Variants in MYH8 observed in about 807,000 individuals in gnomAD.
MYH8 encodes myosin-8.
A neutral mutation model predicts 233.2 loss-of-function variants in MYH8; 168 were observed. The observed-to-expected ratio is 0.72, with a 90% CI of 0.64 to 0.82. The LOEUF (loss-of-function observed/expected upper bound fraction) is 0.82. Ranked by LOEUF, MYH8 falls within the 40% of genes least tolerant of loss-of-function variation. The probability of loss-of-function intolerance (pLI) is 0.00; values close to 1 mark genes in which losing one functional copy is unlikely to be tolerated. For missense variants in MYH8, 1,995 were observed against 2,327.8 expected (o/e 0.86, Z 2.94); for synonymous variants, 785 against 850.6 (o/e 0.92, Z 1.34).
At position 10,419,122 on chromosome 17, in the gene MYH8, A is replaced by G; in HGVS notation, c.211-92T>C. 6.9e-7 allele frequency: 1 copy of G among 1,456,608 alleles called. No homozygotes were observed. The highest frequency in any genetic ancestry group is 9.5e-7 in the Non-Finnish European group (1 of 1,050,924). 90.2% of individuals were successfully genotyped at this position (1,456,608 alleles called of 1,614,324 possible). A position where few individuals can be genotyped will look rare whatever the true frequency, so the allele number is the denominator to read the frequency against. ...GCCCAGGCTGGAGTGCAGTGGCGCG[A>G]TCTCAGCTCACTGCAACCTCCGCCC... On this transcript the variant is annotated intron_variant, in intron 3 of 39. Transcript: ENST00000403437. The surrounding 1 kb of genome is among the most constrained non-coding windows in gnomAD (Gnocchi z 4.0).
Position 10,394,255 on chromosome 17 carries a change from G to A in MYH8, c.5160C>T (p.His1720=). The A allele has an allele frequency of 6.2e-7, 1 of 1,613,890 alleles. No homozygotes were observed. The highest frequency in any genetic ancestry group is 8.5e-7 in the Non-Finnish European group (1 of 1,179,892). ...TTTGATGTGAGGGTCTCACCTGGGT[G>A]TGGAGGAGCTGGACACGCTCACTGG... is the stretch of plus-strand genomic sequence containing the variant. ...LDASERVQLL[H]TQNTSLINTK... is the part of the protein sequence containing the mutation. The change falls in exon 35 of 40, where the codon CAC becomes CAT. Residue 1720 remains histidine (H), a synonymous_variant. Coordinates refer to ENST00000403437, the MANE Select transcript of MYH8 (RefSeq NM_002472.3).
At position 10,391,916 on chromosome 17, in the gene MYH8, T is replaced by C. The variant is rs1398494147; in HGVS notation, c.5630A>G (p.Lys1877Arg). Residue 1877 changes from lysine (K) to arginine (R), a missense_variant, in exon 39 of 40, where the codon AAG becomes AGG. Transcript: ENST00000403437. ...LQDLVDKLQA[K>R]VKSYKRQAEE... is the part of the protein sequence containing the mutation. Reference sequence around the variant, plus strand: ...AGCTTGTCTCTTGTATGATTTCACCTTCGCCTGTAATTTATCTACCAAGTC... The same window carrying C: ...AGCTTGTCTCTTGTATGATTTCACCCTCGCCTGTAATTTATCTACCAAGTC... The C allele has an allele frequency of 5.0e-6, 8 of 1,614,148 alleles. No homozygotes were observed. Among genetic ancestry groups the C allele is most frequent in the Non-Finnish European group, 6.8e-6 (8 of 1,179,986 alleles).
intron 12 of MYH8, among the ~76,000 whole-genome samples, chr17:10,413,192 G>A (rs1434002328): frequency 6.6e-6 from 1 of 152,148 alleles, no homozygotes; most frequent in Non-Finnish European, 1.5e-5. Flanking sequence ...TTTACTGCAT[G>A]ATCCCTACAG....
intron 4 of MYH8, 25 bp from the exon 5 acceptor site, chr17:10,418,826 T>C: frequency 6.2e-7 from 1 of 1,613,822 alleles, no homozygotes; most frequent in Non-Finnish European, 8.5e-7. Context: ...ACATTTATCA[T>C]TTGGATCTCG....
intron 14 of MYH8, 26 bp downstream of exon 14, chr17:10,412,344 T>C (rs2142186171): frequency 6.2e-7 from 1 of 1,614,054 alleles, no homozygotes; most frequent in East Asian, 2.2e-5. Context: ...ATTGCCTCCT[T>C]CTTAATTCTT....
At chr17:10,410,295 C>T (rs551189685) in intron 15 of MYH8, among the ~76,000 whole-genome samples, 2 of 152,004 alleles carry the variant, frequency 1.3e-5, no homozygotes, top group South Asian at 4.2e-4. Flanking sequence ...AGAGTGAGGC[C>T]CTGTCTCAAT....
intron 27 of MYH8, 71 bp from the exon 28 acceptor site, chr17:10,399,740 T>C (rs559453497): frequency 6.3e-7 from 1 of 1,592,466 alleles, no homozygotes; most frequent in African/African-American, 1.3e-5. Context: ...ATTCTTAAAA[T>C]ATTTGTAGAG....
Position 10,418,719 on chromosome 17 carries a change from C to T in MYH8, c.437G>A (p.Arg146Lys). The T allele has an allele frequency of 6.2e-7, 1 of 1,613,904 alleles. No homozygotes were observed. Among genetic ancestry groups the T allele is most frequent in the East Asian group, 2.2e-5 (1 of 44,886 alleles). ...CGGGGCCTCCTGGCGCTTTTTGCCTCTGTAGGCAGCCACCACCTCGGGCTT... is the reference window on the plus strand; with the variant it reads ...CGGGGCCTCCTGGCGCTTTTTGCCTTTGTAGGCAGCCACCACCTCGGGCTT... ...VYKPEVVAAY[R>K]GKKRQEAPPH... Residue 146 changes from arginine to lysine, a missense_variant, in exon 5 of 40, where the codon AGA becomes AAA. Transcript: ENST00000403437.
At chr17:10,397,179 C>T (rs190941926) in intron 30 of MYH8, among the ~76,000 whole-genome samples, 193 bp from the exon 31 acceptor site, 13 of 152,260 alleles carry the variant, frequency 8.5e-5, no homozygotes, top group African/African-American at 2.6e-4. Context: ...CGGGTTCAAG[C>T]GATTCTCCTG....
At chr17:10,397,896 T>C (rs537613973) in intron 30 of MYH8, among the ~76,000 whole-genome samples, 1 of 152,340 alleles carries the variant, frequency 6.6e-6, no homozygotes, top group African/African-American at 2.4e-5. Context: ...AGGTTTTTTT[T>C]CCCTCCTGAA....
At chr17:10,391,180 C>G (rs758825738) in intron 39 of MYH8, among the ~76,000 whole-genome samples, 5 of 152,216 alleles carry the variant, frequency 3.3e-5, no homozygotes, top group Non-Finnish European at 7.3e-5. Flanking sequence ...AGAGCCCCCA[C>G]TGATGACACT....
At position 10,391,924 on chromosome 17, in the gene MYH8, T is replaced by C. The variant is rs767936634; in HGVS notation, c.5622A>G (p.Leu1874=). ...VLRLQDLVDK[L]QAKVKSYKRQ... ...TCTTGTATGATTTCACCTTCGCCTG[T>C]AATTTATCTACCAAGTCCTGCAGCC... The change falls in exon 39 of 40, where the codon TTA becomes TTG. Residue 1874 remains leucine (L), a synonymous_variant. Transcript: ENST00000403437. 6.2e-7 allele frequency: 1 copy of C among 1,614,202 alleles called. No homozygotes were observed. The highest frequency in any genetic ancestry group is 1.1e-5 in the South Asian group (1 of 91,080).
At position 10,393,096 on chromosome 17, in the gene MYH8, C is replaced by T. The variant is rs563469677; in HGVS notation, c.5281G>A (p.Ala1761Thr). ...SRNAEEKAKK[A>T]ITDAAMMAEE... ...AATGTTCATCTTACATCAGTGATGG[C>T]CTTCTTGGCTTTCTCTTCTGCATTG... Residue 1761 changes from alanine to threonine, a missense_variant, in exon 36 of 40, where the codon GCC becomes ACC. Physicochemically the swap from Ala to Thr is moderately conservative, Grantham distance 58. Transcript: ENST00000403437. 7.4e-6 allele frequency: 12 copies of T among 1,614,196 alleles called. No homozygotes were observed. The Admixed American group carries it at 8.3e-5, about 11-fold the overall frequency.
In MYH8 at chr17:10,396,327, T is replaced by C; in HGVS notation, c.4653+3A>G. 3 of 1,613,924 alleles carry C rather than the reference T, an allele frequency of 1.9e-6. No individual in the cohort carries two copies. The highest frequency in any genetic ancestry group is 2.5e-6 in the Non-Finnish European group (3 of 1,179,952). Reference sequence around the variant, plus strand: ...CCATAACATAATACAAGGTAATATGTACCTCTGCTTCCTCTAAAGCAGCCT... The same window carrying C: ...CCATAACATAATACAAGGTAATATGCACCTCTGCTTCCTCTAAAGCAGCCT... On this transcript the variant is annotated splice_donor_region_variant and intron_variant, in intron 33 of 39. Transcript: ENST00000403437. The surrounding 1 kb of genome is among the most constrained non-coding windows in gnomAD (Gnocchi z 4.2).
At position 10,401,360 on chromosome 17, in the gene MYH8, T is replaced by C. The variant is rs1307657300; in HGVS notation, c.3023A>G (p.Gln1008Arg). The part of the protein sequence containing the change: ...EKKALQETHQ[Q>R]TLDDLQAEED... ...CTCTGCCTGCAGGTCATCCAGGGTC[T>C]GCTGGTGGGTCTCTTGGAGAGCCTT... Residue 1008 changes from glutamine to arginine, a missense_variant, in exon 24 of 40, where the codon CAG becomes CGG. This residue lies in a region of MYH8 where 1,498 missense variants were observed against 1,680.9 expected (regional missense o/e 0.89). Coordinates refer to ENST00000403437, the MANE Select transcript of MYH8 (RefSeq NM_002472.3). 1.9e-6 allele frequency: 3 copies of C among 1,614,070 alleles called. No individual in the cohort carries two copies.
chr17:10,406,186 A>G lies in MYH8; in HGVS notation c.2296-9T>C, dbSNP rs761018471. 1 of 1,614,098 alleles carries G rather than the reference A, an allele frequency of 6.2e-7. No homozygotes were observed. Among genetic ancestry groups the G allele is most frequent in the Non-Finnish European group, 8.5e-7 (1 of 1,179,994 alleles). ...CCAGCTTTGAAGAAAACCTGGAGAA[A>G]GAGAGAGTCACAAATCATCTCCATA... On this transcript the variant is annotated splice_polypyrimidine_tract_variant and intron_variant, in intron 20 of 39. Transcript: ENST00000403437.
At position 10,409,133 on chromosome 17, in the gene MYH8, C is replaced by G. The variant is rs749169527; in HGVS notation, c.1929G>C (p.Lys643Asn). The change falls in exon 17 of 40, where the codon AAG becomes AAC. Residue 643 changes from lysine to asparagine, a missense_variant. Transcript: ENST00000403437. ...CAGACACAGTCTGGAAAGAAGAGCC[C>G]TTTTTCTTAGCACCTTTCTTCGCGC... ...DSSAKKGAKK[K>N]GSSFQTVSAL... is the part of the protein sequence containing the mutation. 1 of 1,614,142 alleles carries G rather than the reference C, an allele frequency of 6.2e-7. No homozygotes were observed. The highest frequency in any genetic ancestry group is 8.5e-7 in the Non-Finnish European group (1 of 1,180,016).
At chr17:10,414,869 T>A (rs568170475) in intron 9 of MYH8, among the ~76,000 whole-genome samples, 1 of 152,254 alleles carries the variant, frequency 6.6e-6, no homozygotes, top group South Asian at 2.1e-4. Flanking sequence ...GTTTTTGTCC[T>A]GGAAAAAAAT....
chr17:10,412,655 G>T lies in MYH8; in HGVS notation c.1221C>A (p.Val407=). The T allele has an allele frequency of 6.2e-7, 1 of 1,614,210 alleles. No individual in the cohort carries two copies. The highest frequency in any genetic ancestry group is 8.5e-7 in the Non-Finnish European group (1 of 1,180,038). Residue 407 remains valine, a synonymous_variant, in exon 13 of 40, where the codon GTC becomes GTA. Coordinates refer to ENST00000403437, the MANE Select transcript of MYH8 (RefSeq NM_002472.3). ...TGGTGACATACTCATTGCCAACCTT[G>T]ACCCTAGGGTAGCAGAGGGCTTTGA... The part of the protein sequence containing the change: ...DLLKALCYPR[V]KVGNEYVTKG...
Sources: allele counts gnomAD v4.1 joint callset (sites outside exome capture counted in the v4.1 genomes callset), GRCh38; gene constraint gnomAD v4.1.1; regional missense constraint gnomAD v4.1.1; non-coding constraint Gnocchi (gnomAD v3.1); transcripts MANE v1.5; gene names NCBI Gene and HGNC (gene_info 2026-07-23, HGNC 2026-07-21).